EPB41: variants seen among roughly 807,000 people sequenced by gnomAD.
EPB41 encodes the protein protein 4.1.
Under a neutral mutation model 108.0 loss-of-function variants are expected in EPB41, and 65 were observed. The observed-to-expected ratio is 0.60, with a 90% CI of 0.49 to 0.74. EPB41 has a LOEUF of 0.74. Ranked by LOEUF, EPB41 falls within the 30% of genes least tolerant of loss-of-function variation. The pLI is 0.00. For missense variants in EPB41, 875 were observed against 1,037.0 expected (o/e 0.84, Z 2.15); for synonymous variants, 336 against 358.9 (o/e 0.94, Z 0.72).
chr1:29,070,514 T>C, intron 16 of EPB41: 5 of 1,232,156 alleles, frequency 4.1e-6, no homozygotes, highest in Non-Finnish European at 5.1e-6. Flanking sequence ...TCTCAAAAAG[T>C]GCCACCTCTA....
chr1:28,975,228 G>T (rs1259562827), intron 1 of EPB41, among the ~76,000 whole-genome samples: 1 of 152,114 alleles, frequency 6.6e-6, no homozygotes, highest in Admixed American at 6.5e-5. Context: ...TACCGTGCCC[G>T]GCCTTATTTT....
chr1:28,891,905 C>T (rs755306069), intron 1 of EPB41, among the ~76,000 whole-genome samples: 8 of 151,972 alleles, frequency 5.3e-5, no homozygotes, highest in African/African-American at 1.4e-4. Context: ...CTGGCTAACA[C>T]GGTGAAACCC....
At position 28,989,355 on chromosome 1, in the gene EPB41, G is replaced by C. The variant is rs1371527864; in HGVS notation, c.468+1450G>C. 7.2e-6 allele frequency: 7 copies of C among 965,584 alleles called. No individual in the cohort carries two copies. In the Admixed American group the frequency reaches 3.1e-4, roughly 42 times the overall value. The allele number at this position is 965,584 out of a possible 1,614,324, so 59.8% of individuals were successfully genotyped here. ...TTTCTGAGAATGTCATTTATTTTCA[G>C]CCTCACCATTACAATTAAGAATTAT... On this transcript the variant is annotated intron_variant, in intron 2 of 20. Transcript: ENST00000343067.
chr1:28,957,597 G>A (rs563406477), intron 1 of EPB41, among the ~76,000 whole-genome samples: 8 of 152,236 alleles, frequency 5.3e-5, no homozygotes, highest in Admixed American at 1.3e-4. Flanking sequence ...TAGAGACGAG[G>A]TTTCACTATA....
chr1:28,934,462 C>T (rs1484061781), intron 1 of EPB41, among the ~76,000 whole-genome samples: 1 of 152,164 alleles, frequency 6.6e-6, no homozygotes, highest in Non-Finnish European at 1.5e-5. Flanking sequence ...AAAATATCTA[C>T]ACAAATTATT....
intron 1 of EPB41, among the ~76,000 whole-genome samples, chr1:28,915,128 C>G (rs1570461186): frequency 6.6e-6 from 1 of 152,160 alleles, no homozygotes; most frequent in African/African-American, 2.4e-5. Flanking sequence ...CGGAGAATCG[C>G]AGGTTTCAGA....
chr1:28,889,149 T>C (rs1171562319), intron 1 of EPB41, among the ~76,000 whole-genome samples: 1 of 152,190 alleles, frequency 6.6e-6, no homozygotes, highest in African/African-American at 2.4e-5. Flanking sequence ...CCCAGGCTTG[T>C]ACTTTGTCAA....
At chr1:29,116,127 G>A (rs1670854560) in intron 20 of EPB41, among the ~76,000 whole-genome samples, 1 of 147,678 alleles carries the variant, frequency 6.8e-6, no homozygotes, top group African/African-American at 2.5e-5. Flanking sequence ...CTACTGCTCT[G>A]CTTGCTGCTG....
chr1:28,945,933 A>G (rs1008288582), intron 1 of EPB41, among the ~76,000 whole-genome samples: 3 of 152,216 alleles, frequency 2.0e-5, no homozygotes, highest in African/African-American at 7.2e-5. Context: ...CTGCTGTTAT[A>G]CTTGTGAACT....
chr1:28,903,532 C>G (rs1410432249), intron 1 of EPB41, among the ~76,000 whole-genome samples: 4 of 151,920 alleles, frequency 2.6e-5, no homozygotes, highest in Non-Finnish European at 1.5e-5. Flanking sequence ...ACTGGCCAGG[C>G]TGGTCTTGAA....
At chr1:29,104,962 A>G (rs1432039432) in intron 17 of EPB41, among the ~76,000 whole-genome samples, 1 of 152,016 alleles carries the variant, frequency 6.6e-6, no homozygotes, top group Non-Finnish European at 1.5e-5. Context: ...GGCTCAAGCA[A>G]TCCTCCCTCC....
chr1:28,980,083 AG>A (rs1194670427), intron 1 of EPB41, among the ~76,000 whole-genome samples: 4 of 152,238 alleles, frequency 2.6e-5, no homozygotes, highest in Non-Finnish European at 5.9e-5. Context: ...ACATTATCCC[AG>A]CACTTTGGTA....
At chr1:29,066,413 C>T (rs1004114309) in intron 16 of EPB41, among the ~76,000 whole-genome samples, 1 of 150,926 alleles carries the variant, frequency 6.6e-6, no homozygotes, top group Non-Finnish European at 1.5e-5. Context: ...AGTGAGACTC[C>T]GTCTCAAAAA....
At chr1:29,011,804 C>T in intron 4 of EPB41, 61 bp from the exon 5 acceptor site, 2 of 1,579,506 alleles carry the variant, frequency 1.3e-6, no homozygotes, top group South Asian at 2.3e-5. Context: ...ATCTTGCTTC[C>T]AGTACTCTGT....
At chr1:29,106,447 T>C in intron 17 of EPB41, among the ~76,000 whole-genome samples, 1 of 151,946 alleles carries the variant, frequency 6.6e-6, no homozygotes, top group East Asian at 1.9e-4. Flanking sequence ...GCTTTTATTT[T>C]TTATTTTATT....
chr1:28,913,255 C>A (rs1057391331), upstream of EPB41, among the ~76,000 whole-genome samples: 1 of 151,882 alleles, frequency 6.6e-6, no homozygotes, highest in East Asian at 2.0e-4. Context: ...GAGACTAACA[C>A]GGTGAAACCC....
chr1:29,039,498 A>G (rs951046056), intron 11 of EPB41, 72 bp downstream of exon 11: 23 of 1,576,906 alleles, frequency 1.5e-5, no homozygotes, highest in Admixed American at 3.4e-5. Flanking sequence ...GCAATTATCT[A>G]TAAGAGAACC....
chr1:29,022,384 A>AAAAG (rs1182787965), intron 7 of EPB41, among the ~76,000 whole-genome samples: 1 of 151,194 alleles, frequency 6.6e-6, no homozygotes, highest in African/African-American at 2.4e-5. Context: ...AAAAAAAAAA[A>AAAAG]AAAAAAAGAA....
At chr1:28,955,856 G>A (rs150818199) in intron 1 of EPB41, among the ~76,000 whole-genome samples, 11 of 152,252 alleles carry the variant, frequency 7.2e-5, no homozygotes, top group Non-Finnish European at 1.6e-4. Flanking sequence ...ACCGTAAGAA[G>A]TACTAATTAA....
Sources: allele counts gnomAD v4.1 joint callset (sites outside exome capture counted in the v4.1 genomes callset), GRCh38; gene constraint gnomAD v4.1.1; transcripts MANE v1.5; gene names NCBI Gene and HGNC (gene_info 2026-07-23, HGNC 2026-07-21).